The following PDE4B variants were observed in gnomAD, a reference collection of about 807,000 sequenced individuals.
PDE4B encodes phosphodiesterase 4B.
In PDE4B, 20 loss-of-function variants were observed where a neutral mutation model predicts 82.2. The ratio of observed to expected loss-of-function variants is 0.24; its 90% CI spans 0.17 to 0.35. PDE4B has a LOEUF of 0.35. Ranked by LOEUF, PDE4B falls within the 10% of genes least tolerant of loss-of-function variation. The pLI is 1.00. For synonymous variants in PDE4B, 320 were observed against 318.9 expected (o/e 1.00, Z -0.04); for missense variants, 655 against 907.2 (o/e 0.72, Z 3.57).
At chr1:66,366,507 T>C (rs1663261639) in intron 13 of PDE4B, among the ~76,000 whole-genome samples, 1 of 152,226 alleles carries the variant, frequency 6.6e-6, no homozygotes, top group African/African-American at 2.4e-5. Context: ...ATGAATAACA[T>C]CAAGTACTGA....
chr1:66,253,707 T>C (rs1296449311), intron 4 of PDE4B, among the ~76,000 whole-genome samples: 2 of 152,250 alleles, frequency 1.3e-5, no homozygotes, highest in African/African-American at 4.8e-5. Context: ...CCATAAATAA[T>C]CTGGTTGCAC....
chr1:65,930,008 G>A (rs1269989634), intron 3 of PDE4B, among the ~76,000 whole-genome samples: 1 of 152,044 alleles, frequency 6.6e-6, no homozygotes, highest in Non-Finnish European at 1.5e-5. Flanking sequence ...TTCTCTAGAG[G>A]GACAGAACTA....
chr1:65,940,204 C>A (rs942983752), intron 3 of PDE4B, among the ~76,000 whole-genome samples: 3 of 151,576 alleles, frequency 2.0e-5, no homozygotes, highest in Admixed American at 2.0e-4. Context: ...AGGGTAGGAA[C>A]TTTATAGGCA....
At chr1:65,923,502 C>T (rs1367428650) in intron 3 of PDE4B, among the ~76,000 whole-genome samples, 2 of 152,000 alleles carry the variant, frequency 1.3e-5, no homozygotes, top group African/African-American at 2.4e-5. Flanking sequence ...TTGCATTCAC[C>T]GTTTGATTTG....
chr1:66,005,588 G>A (rs978101523), intron 3 of PDE4B, among the ~76,000 whole-genome samples: 9 of 152,104 alleles, frequency 5.9e-5, no homozygotes, highest in African/African-American at 2.2e-4. Context: ...AATTGCCATT[G>A]AAAAGTGGTT....
At chr1:66,102,923 G>C (rs1280571448) in intron 3 of PDE4B, among the ~76,000 whole-genome samples, 1 of 151,980 alleles carries the variant, frequency 6.6e-6, no homozygotes, top group African/African-American at 2.4e-5. Flanking sequence ...CCCATTACAG[G>C]TATGTATACC....
At chr1:66,255,028 C>G (rs535300631) in intron 4 of PDE4B, among the ~76,000 whole-genome samples, 21 of 151,550 alleles carry the variant, frequency 1.4e-4, no homozygotes, top group African/African-American at 4.6e-4. Flanking sequence ...TTTCTTTTCT[C>G]TTTTCTTTTC....
intron 3 of PDE4B, among the ~76,000 whole-genome samples, chr1:65,956,316 C>T (rs1357484054): frequency 6.6e-6 from 1 of 152,054 alleles, no homozygotes; most frequent in African/African-American, 2.4e-5. Flanking sequence ...ATTCAGGAAA[C>T]AAAAGGTGCT....
At chr1:66,104,652 C>G (rs1318773413) in intron 3 of PDE4B, among the ~76,000 whole-genome samples, 1 of 148,804 alleles carries the variant, frequency 6.7e-6, no homozygotes, top group African/African-American at 2.4e-5. Context: ...GAGATGGTAT[C>G]TCATTGTGGT....
chr1:66,280,090 A>G (rs1656187985), intron 7 of PDE4B, among the ~76,000 whole-genome samples: 1 of 152,262 alleles, frequency 6.6e-6, no homozygotes. Flanking sequence ...CTCTTCTACA[A>G]ACAAGATGTA....
intron 3 of PDE4B, among the ~76,000 whole-genome samples, chr1:66,099,722 C>T (rs982421309): frequency 3.3e-5 from 5 of 152,168 alleles, no homozygotes; most frequent in African/African-American, 1.2e-4. Flanking sequence ...ATCTCAGTCC[C>T]AAGCACATAT....
intron 1 of PDE4B, among the ~76,000 whole-genome samples, chr1:65,813,892 G>GAAAAAAAAAAAAAAAAAAAAAAAAA (rs1645847551): frequency 2.1e-5 from 1 of 48,670 alleles, no homozygotes; most frequent in Non-Finnish European, 4.5e-5. Flanking sequence ...AGGCACTGCG[G>GAAAAAAAAAAAAAAAAAAAAAAAAA]CAAAAAAAAA....
intron 1 of PDE4B, among the ~76,000 whole-genome samples, chr1:65,879,870 ATTGT>A (rs1341366903): frequency 6.6e-6 from 1 of 152,110 alleles, no homozygotes; most frequent in Non-Finnish European, 1.5e-5. Context: ...TTCTCTTCTC[ATTGT>A]TTGCACAGAC....
intron 3 of PDE4B, among the ~76,000 whole-genome samples, chr1:66,002,121 A>C (rs189920995): frequency 6.6e-6 from 1 of 152,206 alleles, no homozygotes; most frequent in Admixed American, 6.5e-5. Flanking sequence ...AGTTCTTATT[A>C]TTCTGTATGT....
At chr1:66,368,160 G>A (rs780639262) in intron 15 of PDE4B, 95 bp downstream of exon 15, 86 of 1,333,198 alleles carry the variant, frequency 6.5e-5, no homozygotes, top group Non-Finnish European at 8.3e-5. Context: ...TCAGTTATTG[G>A]TATATCCTAG....
chr1:66,229,174 ATT>A (rs66461181), intron 3 of PDE4B, among the ~76,000 whole-genome samples: 93,214 of 150,834 alleles, frequency 0.62, 29,528 homozygotes, highest in African/African-American at 0.73. Flanking sequence ...TGCCCGGCTA[ATT>A]TTTTTTGTAT....
Position 66,363,585 on chromosome 1 carries a change from A to G in PDE4B, c.1284+14A>G. The G allele has an allele frequency of 6.2e-7, 1 of 1,601,954 alleles. No individual in the cohort carries two copies. ...CCAGCATTAGACGTGAGTAATTATG[A>G]CCTGTTTTGCATTCCTGCCCATCCT... On this transcript the variant is annotated intron_variant, in intron 12 of 16. Transcript: ENST00000341517.
intron 3 of PDE4B, among the ~76,000 whole-genome samples, chr1:66,061,017 C>A (rs1286588517): frequency 6.6e-6 from 1 of 151,590 alleles, no homozygotes; most frequent in Admixed American, 6.6e-5. Flanking sequence ...GAAGAGTGGG[C>A]AGCATATTTA....
chr1:66,318,241 CCT>C (rs1276584410), intron 7 of PDE4B, among the ~76,000 whole-genome samples: 3 of 152,294 alleles, frequency 2.0e-5, no homozygotes, highest in African/African-American at 7.2e-5. Flanking sequence ...GATTATGTAA[CCT>C]CTCTGAGCCT....
Sources: gnomAD v4.1 joint callset for allele counts (sites outside exome capture counted in the v4.1 genomes callset) on GRCh38, gnomAD v4.1.1 for gene constraint, MANE v1.5 for transcripts, NCBI Gene and HGNC (gene_info 2026-07-23, HGNC 2026-07-21) for gene names.